Variants in PLCB4 observed in about 807,000 individuals in gnomAD.
The protein encoded by PLCB4 is phospholipase C beta 4.
In PLCB4, 77 loss-of-function variants were observed where a neutral mutation model predicts 178.8. The observed-to-expected ratio is 0.43, with a 90% confidence interval of 0.36 to 0.52. PLCB4 has a LOEUF of 0.52. Among genes scored for constraint, PLCB4 ranks in the 20% least tolerant of loss-of-function variants. The pLI is 0.00. For synonymous variants in PLCB4, 496 were observed against 490.8 expected (o/e 1.01, Z -0.14); for missense variants, 1,024 against 1,453.4 (o/e 0.70, Z 4.80).
chr20:9,444,716 C>A (rs887799790), intron 32 of PLCB4, among the ~76,000 whole-genome samples: 2 of 151,996 alleles, frequency 1.3e-5, no homozygotes, highest in Non-Finnish European at 2.9e-5. Context: ...GAGCTGAGAT[C>A]GTGCCATTGC....
intron 2 of PLCB4, among the ~76,000 whole-genome samples, chr20:9,113,788 T>C (rs2091676636): frequency 1.3e-5 from 2 of 152,172 alleles, no homozygotes; most frequent in South Asian, 4.1e-4. Context: ...AATGTAGAAA[T>C]CTAGTCATTT....
intron 16 of PLCB4, among the ~76,000 whole-genome samples, chr20:9,390,244 A>C (rs2038032289): frequency 6.6e-6 from 1 of 152,204 alleles, no homozygotes. Context: ...ACCTTACTTA[A>C]AGTTCCATTG....
At chr20:9,356,019 G>A (rs1285073871) in intron 7 of PLCB4, among the ~76,000 whole-genome samples, 1 of 152,136 alleles carries the variant, frequency 6.6e-6, no homozygotes, top group South Asian at 2.1e-4. Context: ...TCTCATTGTG[G>A]TTTTGATTTG....
At chr20:9,247,536 C>T (rs2094138036) in intron 3 of PLCB4, among the ~76,000 whole-genome samples, 1 of 152,176 alleles carries the variant, frequency 6.6e-6, no homozygotes, top group African/African-American at 2.4e-5. Flanking sequence ...TGTTACTAAC[C>T]TTCCTGGGTA....
At chr20:9,360,844 A>C (rs979852198) in intron 7 of PLCB4, among the ~76,000 whole-genome samples, 1 of 152,240 alleles carries the variant, frequency 6.6e-6, no homozygotes, top group African/African-American at 2.4e-5. Context: ...TGCTAGTCAC[A>C]AAAGAAAATT....
At chr20:9,081,914 T>A (rs1327364726) in intron 1 of PLCB4, among the ~76,000 whole-genome samples, 1 of 151,962 alleles carries the variant, frequency 6.6e-6, no homozygotes, top group African/African-American at 2.4e-5. Context: ...TTGAAAATTC[T>A]ATATCCATTA....
At chr20:9,346,762 C>T (rs1317856319) in intron 7 of PLCB4, among the ~76,000 whole-genome samples, 3 of 152,146 alleles carry the variant, frequency 2.0e-5, no homozygotes, top group Admixed American at 2.0e-4. Context: ...TGTCCCATCC[C>T]ACCTAAGAGT....
chr20:9,109,376 C>G (rs970577232), intron 2 of PLCB4, among the ~76,000 whole-genome samples: 1 of 152,026 alleles, frequency 6.6e-6, no homozygotes, highest in Non-Finnish European at 1.5e-5. Context: ...TTAGCAGTCT[C>G]CCTATTTGAG....
chr20:9,154,855 CCTCT>C (rs796395461), intron 2 of PLCB4, among the ~76,000 whole-genome samples: 16 of 141,760 alleles, frequency 1.1e-4, no homozygotes, highest in African/African-American at 2.6e-4. Context: ...TTTTTCCCTC[CCTCT>C]CTCCCTCCCT....
At chr20:9,344,230 G>A (rs35245665) in intron 7 of PLCB4, among the ~76,000 whole-genome samples, 9,678 of 151,748 alleles carry the variant, frequency 0.064, 329 homozygotes, top group Middle Eastern at 0.092. Flanking sequence ...TGTCTGTATC[G>A]TGCTCTTTCC....
At chr20:9,442,291 G>T (rs559115650) in intron 30 of PLCB4, among the ~76,000 whole-genome samples, 1 of 152,148 alleles carries the variant, frequency 6.6e-6, no homozygotes, top group Non-Finnish European at 1.5e-5. Context: ...ACAGACCCAC[G>T]CATGGAACAT....
intron 2 of PLCB4, among the ~76,000 whole-genome samples, chr20:9,179,039 T>A (rs542242020): frequency 1.3e-5 from 2 of 152,190 alleles, no homozygotes; most frequent in African/African-American, 4.8e-5. Context: ...TGATAAAAAA[T>A]GAAGATAACT....
In PLCB4 at chr20:9,098,894, T is replaced by C. The variant is rs561874441; in HGVS notation, c.-79+2552T>C. On this transcript the variant is annotated intron_variant, in intron 2 of 39. Coordinates refer to ENST00000378473, the MANE Select transcript of PLCB4 (RefSeq NM_001377142.1). ...CGCAGTTGAGGAGCCTTTTCAAGAC[T>C]GTGCTCCTAACTGTCTGGCGACGTA... 2.7e-4 allele frequency among the ~76,000 whole-genome samples: 41 copies of C among 150,492 alleles called. No individual in the cohort carries two copies. The East Asian group carries it at 7.6e-3, about 28-fold the overall frequency.
intron 35 of PLCB4, among the ~76,000 whole-genome samples, chr20:9,462,964 G>C (rs969799253): frequency 6.6e-6 from 1 of 152,162 alleles, no homozygotes; most frequent in Admixed American, 6.5e-5. Flanking sequence ...ACACATAATT[G>C]TCAGATTCAC....
intron 32 of PLCB4, among the ~76,000 whole-genome samples, 172 bp from the exon 33 acceptor site, chr20:9,453,175 C>G (rs905316812): frequency 2.6e-5 from 4 of 152,074 alleles, no homozygotes; most frequent in African/African-American, 7.2e-5. Context: ...TGCCCTTGGA[C>G]AAAAAAACCG....
chr20:9,073,321 A>G (rs1477407161), intron 1 of PLCB4, among the ~76,000 whole-genome samples: 1 of 152,216 alleles, frequency 6.6e-6, no homozygotes, highest in Non-Finnish European at 1.5e-5. Flanking sequence ...TTTCTTCTCT[A>G]GAACAGGAGT....
At chr20:9,357,391 A>C (rs893111958) in intron 7 of PLCB4, among the ~76,000 whole-genome samples, 1 of 152,176 alleles carries the variant, frequency 6.6e-6, no homozygotes, top group African/African-American at 2.4e-5. Context: ...GGGGTGGGAC[A>C]TGACAAAAAC....
In PLCB4 at chr20:9,437,234, T is replaced by C. The variant is rs556264284; in HGVS notation, c.2764+82T>C. On this transcript the variant is annotated intron_variant, in intron 30 of 39. Transcript: ENST00000378473. ...ACAATATCTATAGCTTTAGGAAATA[T>C]ATAAATTCGAAGTTCTTTGTGGGAA... The C allele has an allele frequency of 5.5e-6, 7 of 1,274,768 alleles. No homozygotes were observed. The East Asian group carries it at 1.2e-4, about 22-fold the overall frequency. The allele number at this position is 1,274,768 out of a possible 1,614,324, so 79.0% of individuals were successfully genotyped here.
chr20:9,403,439 A>C (rs2148476966), intron 20 of PLCB4, among the ~76,000 whole-genome samples: 1 of 152,322 alleles, frequency 6.6e-6, no homozygotes, highest in Non-Finnish European at 1.5e-5. Flanking sequence ...AGAAGGACTG[A>C]GTGGTTGACT....
Sources: allele counts gnomAD v4.1 joint callset (sites outside exome capture counted in the v4.1 genomes callset), GRCh38; gene constraint gnomAD v4.1.1; transcripts MANE v1.5; gene names NCBI Gene and HGNC (gene_info 2026-07-23, HGNC 2026-07-21).